The following DNAJC21 variants were observed in gnomAD, a reference collection of about 807,000 sequenced individuals.
DNAJC21 encodes the protein dnaJ homolog subfamily C member 21.
DNAJC21 carries 63 observed loss-of-function variants against 72.4 expected under a neutral mutation model. The observed-to-expected ratio is 0.87, with a 90% CI of 0.71 to 1.07. The LOEUF is 1.07. Among genes scored for constraint, DNAJC21 ranks in the 50% least tolerant of loss-of-function variants. DNAJC21 has a pLI of 0.00. For missense variants in DNAJC21, 634 were observed against 644.8 expected (o/e 0.98, Z 0.18); for synonymous variants, 203 against 216.7 (o/e 0.94, Z 0.56).
chr5:34,929,718 G>T lies in DNAJC21; in HGVS notation c.-102G>T, dbSNP rs1418373044. 6 of 431,088 alleles carry T rather than the reference G, an allele frequency of 1.4e-5. No homozygotes were observed. The highest frequency in any genetic ancestry group is 1.1e-4 in the African/African-American group (5 of 45,580). 26.7% of individuals were successfully genotyped at this position (431,088 alleles called of 1,614,324 possible). ...GGCCCGGTGCGGGCGGCGGACTCCC[G>T]CCGGAGAGGACTGCCAGCGCCGCCG... On this transcript the variant is annotated 5_prime_UTR_variant, in exon 1 of 12. Transcript: ENST00000648817.
chr5:34,941,692 G>A (rs764731434), intron 7 of DNAJC21, among the ~76,000 whole-genome samples: 18 of 146,606 alleles, frequency 1.2e-4, no homozygotes, highest in African/African-American at 2.0e-4. Context: ...TCAAGCTCCC[G>A]AGTAGCTGGG....
chr5:34,947,081 C>T (rs368107553), intron 9 of DNAJC21, among the ~76,000 whole-genome samples: 14 of 152,178 alleles, frequency 9.2e-5, no homozygotes, highest in African/African-American at 2.6e-4. Context: ...TAAGAGCAGA[C>T]GGCAGCAAAT....
chr5:34,939,702 G>A (rs1202098215), intron 6 of DNAJC21, among the ~76,000 whole-genome samples: 1 of 151,984 alleles, frequency 6.6e-6, no homozygotes, highest in Admixed American at 6.6e-5. Context: ...TTATAGAAGG[G>A]CTCCTCTTGG....
intron 10 of DNAJC21, chr5:34,951,404 G>T: frequency 1.0e-6 from 1 of 985,458 alleles, no homozygotes; most frequent in Non-Finnish European, 1.2e-6. Flanking sequence ...AAGGCACCCA[G>T]ATCATCTGAC....
rs1764507029 is a variant in DNAJC21 at position 34,929,656 on chromosome 5, A to ACCACCGCCG, written c.-162_-161insACCGCCGCC. 17 of 155,446 alleles carry ACCACCGCCG rather than the reference A, an allele frequency of 1.1e-4. 1 individual carries two copies. The South Asian group carries it at 3.1e-3, about 29-fold the overall frequency. The allele number at this position is 155,446 out of a possible 1,614,324, so 9.6% of individuals were successfully genotyped here. A position where few individuals can be genotyped will look rare whatever the true frequency, so the allele number is the denominator to read the frequency against. On this transcript the variant is annotated 5_prime_UTR_variant, in exon 1 of 12. Transcript: ENST00000648817. The stretch of plus-strand genomic sequence containing the variant: ...CCGCGCGCCTTCACTGACCTACACC[A>ACCACCGCCG]CCGCCGCCGCCGCCGCCGCCGCCGG...
In DNAJC21 at chr5:34,958,529, A is replaced by C. The variant is rs1364289312; in HGVS notation, c.*3815A>C. The C allele has an allele frequency of 6.6e-6, 1 of 152,244 alleles. No individual in the cohort carries two copies. The highest frequency in any genetic ancestry group is 1.5e-5 in the Non-Finnish European group (1 of 68,042). 9.4% of individuals were successfully genotyped at this position (152,244 alleles called of 1,614,324 possible). A position where few individuals can be genotyped will look rare whatever the true frequency, so the allele number is the denominator to read the frequency against. On this transcript the variant is annotated 3_prime_UTR_variant, in exon 12 of 12. Transcript: ENST00000648817. Reference sequence around the variant, plus strand: ...AAGGATTTCTTTAAAGCAAGACACAAAAGCATACACAGGAAAAAATGATGC... The same window carrying C: ...AAGGATTTCTTTAAAGCAAGACACACAAGCATACACAGGAAAAAATGATGC...
intron 10 of DNAJC21, chr5:34,952,391 G>A (rs1765402174): frequency 2.4e-6 from 1 of 411,472 alleles, no homozygotes; most frequent in Non-Finnish European, 3.3e-6. Flanking sequence ...CTCCTAATCT[G>A]CATTTTTTAA....
Position 34,956,245 on chromosome 5 carries a change from A to G in DNAJC21, c.*1531A>G, listed in dbSNP as rs548666031. 2.6e-5 allele frequency: 4 copies of G among 152,766 alleles called. No homozygotes were observed. The highest frequency in any genetic ancestry group is 1.3e-4 in the Admixed American group (2 of 15,300). 9.5% of individuals were successfully genotyped at this position (152,766 alleles called of 1,614,324 possible). A position where few individuals can be genotyped will look rare whatever the true frequency, so the allele number is the denominator to read the frequency against. ...TGGCAAGGTCTTTTCTGATAGCTTC[A>G]TGGATAGTATTGATGATCAGATTTC... On this transcript the variant is annotated 3_prime_UTR_variant, in exon 12 of 12. Transcript: ENST00000648817.
At chr5:34,933,378 T>A (rs1389575834) in intron 1 of DNAJC21, among the ~76,000 whole-genome samples, 2 of 152,182 alleles carry the variant, frequency 1.3e-5, no homozygotes, top group East Asian at 3.9e-4. Context: ...TTCAAGTGAT[T>A]CTCCCACTTC....
At chr5:34,953,888 T>G in intron 10 of DNAJC21, 38 bp from the exon 11 acceptor site, 1 of 1,533,536 alleles carries the variant, frequency 6.5e-7, no homozygotes, top group East Asian at 2.3e-5. Flanking sequence ...AAAAGGAGTA[T>G]GTTATTTTTG....
intron 9 of DNAJC21, among the ~76,000 whole-genome samples, chr5:34,949,931 C>T (rs1248071501): frequency 1.3e-5 from 2 of 152,144 alleles, no homozygotes; most frequent in Non-Finnish European, 2.9e-5. Flanking sequence ...TCTTTGGAAA[C>T]ATGATACTTA....
At chr5:34,932,216 A>G (rs1580521253) in intron 1 of DNAJC21, among the ~76,000 whole-genome samples, 2 of 152,004 alleles carry the variant, frequency 1.3e-5, no homozygotes, top group South Asian at 4.1e-4. Flanking sequence ...AGGTCAGGAG[A>G]TGGAGACCAT....
chr5:34,938,877 G>C lies in DNAJC21; in HGVS notation c.763G>C (p.Glu255Gln). 6.2e-7 allele frequency: 1 copy of C among 1,614,088 alleles called. No homozygotes were observed. The highest frequency in any genetic ancestry group is 1.1e-5 in the South Asian group (1 of 91,068). The change falls in exon 6 of 12, where the codon GAA becomes CAA. Residue 255 changes from glutamate to glutamine, a missense_variant. Glu to Gln is a conservative substitution (Grantham distance 29). Coordinates refer to ENST00000648817, the MANE Select transcript of DNAJC21 (RefSeq NM_001012339.3). Reference sequence around the variant, plus strand: ...GTCTAGACTGGTGGAGCAGTACAGAGAACAGAGCTGGATGACTATGGCCAA... The same window carrying C: ...GTCTAGACTGGTGGAGCAGTACAGACAACAGAGCTGGATGACTATGGCCAA... ...KQAKLVEQYR[E>Q]QSWMTMANLE...
chr5:34,944,363 G>C (rs987253070), intron 7 of DNAJC21, among the ~76,000 whole-genome samples: 2 of 152,142 alleles, frequency 1.3e-5, no homozygotes, highest in African/African-American at 4.8e-5. Context: ...AGTCCAGGGG[G>C]CTCTTCCTTT....
rs375773958 is a variant in DNAJC21 at position 34,954,742 on chromosome 5, G to C, written c.*28G>C. 6.6e-7 allele frequency: 1 copy of C among 1,524,696 alleles called. No individual in the cohort carries two copies. The highest frequency in any genetic ancestry group is 8.8e-7 in the Non-Finnish European group (1 of 1,134,830). 94.4% of individuals were successfully genotyped at this position (1,524,696 alleles called of 1,614,324 possible). On this transcript the variant is annotated 3_prime_UTR_variant, in exon 12 of 12. Transcript: ENST00000648817. Reference sequence around the variant, plus strand: ...ATTCTGCCTGTGCTTTTGTTTGACTGTCTCTAGATTTTGAAACCAAAAAAC... The same window carrying C: ...ATTCTGCCTGTGCTTTTGTTTGACTCTCTCTAGATTTTGAAACCAAAAAAC...
chr5:34,950,968 A>G, intron 10 of DNAJC21: 1 of 980,872 alleles, frequency 1.0e-6, no homozygotes, highest in Non-Finnish European at 1.2e-6. Flanking sequence ...GAAAGATCTG[A>G]TAGTGAGGAG....
In DNAJC21 at chr5:34,929,744, C is replaced by T. The variant is rs1764511529; in HGVS notation, c.-76C>T. On this transcript the variant is annotated 5_prime_UTR_variant, in exon 1 of 12. Transcript: ENST00000648817. ...CCGGAGAGGACTGCCAGCGCCGCCG[C>T]CGCCGCCGCTTCGGCCCGGGCCCGG... is the stretch of plus-strand genomic sequence containing the variant. 3 of 741,684 alleles carry T rather than the reference C, an allele frequency of 4.0e-6. No individual in the cohort carries two copies. Among genetic ancestry groups the T allele is most frequent in the Non-Finnish European group, 5.0e-6 (3 of 596,198 alleles). 45.9% of individuals were successfully genotyped at this position (741,684 alleles called of 1,614,324 possible).
In DNAJC21 at chr5:34,937,591, C is replaced by T. The variant is rs1561183481; in HGVS notation, c.704C>T (p.Ala235Val). 7 of 1,613,452 alleles carry T rather than the reference C, an allele frequency of 4.3e-6. No individual in the cohort carries two copies. Among genetic ancestry groups the T allele is most frequent in the Non-Finnish European group, 5.9e-6 (7 of 1,179,700 alleles). Residue 235 changes from alanine to valine, a missense_variant, in exon 5 of 12, where the codon GCC (alanine) becomes GTC (valine). Coordinates refer to ENST00000648817, the MANE Select transcript of DNAJC21 (RefSeq NM_001012339.3). ...EEQNAEKARKAEEMRRQQKLK... is the reference protein window; with the variant it reads ...EEQNAEKARKVEEMRRQQKLK... ...CAGAATGCAGAGAAGGCGAGGAAAG[C>T]CGAAGAGATGAGGCGGCAGCAGAAG... is the stretch of plus-strand genomic sequence containing the variant.
At chr5:34,950,149 C>G in intron 9 of DNAJC21, 21 bp from the exon 10 acceptor site, 1 of 1,583,968 alleles carries the variant, frequency 6.3e-7, no homozygotes. Context: ...TTTGTAACGG[C>G]ACATATGTTT....
Sources: allele counts gnomAD v4.1 joint callset (sites outside exome capture counted in the v4.1 genomes callset), GRCh38; gene constraint gnomAD v4.1.1; transcripts MANE v1.5; gene names NCBI Gene and HGNC (gene_info 2026-07-23, HGNC 2026-07-21).